Variants in HS3ST4 observed in about 807,000 individuals in gnomAD.
The protein encoded by HS3ST4 is heparan sulfate glucosamine 3-O-sulfotransferase 4.
A neutral mutation model predicts 29.2 loss-of-function variants in HS3ST4; 17 were observed. That is an observed-to-expected ratio of 0.58 (90% CI 0.40 to 0.87). HS3ST4 has a LOEUF of 0.87. Ranked by LOEUF, HS3ST4 falls within the 40% of genes least tolerant of loss-of-function variation. The pLI is 0.00. For missense variants in HS3ST4, 627 were observed against 634.5 expected (o/e 0.99, Z 0.13); for synonymous variants, 314 against 285.7 (o/e 1.10, Z -1.00).
chr16:25,904,107 AATGGATGGATGGATGGATGG>A (rs146106307), intron 1 of HS3ST4, among the ~76,000 whole-genome samples: 9 of 142,480 alleles, frequency 6.3e-5, no homozygotes, highest in Admixed American at 3.5e-4. Context: ...TGAATGGATG[AATGGATGGATGGATGGATGG>A]ATGGATGGAT....
chr16:25,766,447 G>C (rs1268157893), intron 1 of HS3ST4, among the ~76,000 whole-genome samples: 1 of 152,160 alleles, frequency 6.6e-6, no homozygotes, highest in Non-Finnish European at 1.5e-5. Flanking sequence ...AAACTTTCTA[G>C]GTCAGTACCC....
At chr16:26,031,299 T>C (rs965780810) in intron 1 of HS3ST4, among the ~76,000 whole-genome samples, 2 of 152,086 alleles carry the variant, frequency 1.3e-5, no homozygotes, top group African/African-American at 4.8e-5. Flanking sequence ...AAGAGATGGA[T>C]ACAGATCATT....
intron 1 of HS3ST4, among the ~76,000 whole-genome samples, chr16:25,779,001 T>TAC (rs1056103718): frequency 7.9e-4 from 120 of 151,524 alleles, no homozygotes; most frequent in African/African-American, 2.2e-3. Flanking sequence ...TCTGTGTCTC[T>TAC]ACACACACAC....
At chr16:25,999,318 GGGTTTTTCT>G (rs1969184667) in intron 1 of HS3ST4, among the ~76,000 whole-genome samples, 2 of 152,040 alleles carry the variant, frequency 1.3e-5, no homozygotes, top group Non-Finnish European at 2.9e-5. Flanking sequence ...AGAATGGGGT[GGGTTTTTCT>G]TCACTGCACA....
intron 1 of HS3ST4, among the ~76,000 whole-genome samples, chr16:25,838,165 G>T (rs540925986): frequency 9.9e-4 from 151 of 152,302 alleles, no homozygotes; most frequent in African/African-American, 3.4e-3. Flanking sequence ...AGAGAAATAT[G>T]CTGGAATCGT....
At chr16:25,779,009 C>T (rs1236599371) in intron 1 of HS3ST4, among the ~76,000 whole-genome samples, 1 of 152,214 alleles carries the variant, frequency 6.6e-6, no homozygotes, top group Non-Finnish European at 1.5e-5. Context: ...TCTACACACA[C>T]ACACACACGC....
chr16:26,136,443 CA>C lies in HS3ST4; in HGVS notation c.*196del, dbSNP rs1217749052. The C allele has an allele frequency of 5.0e-6, 3 of 604,470 alleles. No homozygotes were observed. The highest frequency in any genetic ancestry group is 1.9e-5 in the African/African-American group (1 of 53,882). 37.4% of individuals were successfully genotyped at this position (604,470 alleles called of 1,614,324 possible). ...TCCCATGGCATCCCCATGGAGGAACCAGGCCCATCTGGGCAGCAGCATCTGG... is the reference window on the plus strand; with the variant it reads ...TCCCATGGCATCCCCATGGAGGAACCGGCCCATCTGGGCAGCAGCATCTGG... On this transcript the variant is annotated 3_prime_UTR_variant, in exon 2 of 2. Transcript: ENST00000331351.
chr16:26,119,043 T>C (rs1462715921), intron 1 of HS3ST4, among the ~76,000 whole-genome samples: 1 of 152,200 alleles, frequency 6.6e-6, no homozygotes, highest in Non-Finnish European at 1.5e-5. Flanking sequence ...AATGAAACAT[T>C]ATTCTTATCG....
At chr16:25,830,454 G>A (rs1967283430) in intron 1 of HS3ST4, among the ~76,000 whole-genome samples, 1 of 152,152 alleles carries the variant, frequency 6.6e-6, no homozygotes, top group African/African-American at 2.4e-5. Context: ...TGCAGGGGGA[G>A]GCATCACCTG....
intron 1 of HS3ST4, among the ~76,000 whole-genome samples, chr16:26,020,360 A>G (rs1969400863): frequency 6.6e-6 from 1 of 152,212 alleles, no homozygotes; most frequent in African/African-American, 2.4e-5. Flanking sequence ...AATTATAGAT[A>G]TACGAAGAGG....
intron 1 of HS3ST4, among the ~76,000 whole-genome samples, chr16:25,881,500 A>G (rs1227512752): frequency 6.6e-6 from 1 of 152,186 alleles, no homozygotes; most frequent in Non-Finnish European, 1.5e-5. Flanking sequence ...AGTAAAGGGC[A>G]CCTGGATGCT....
intron 1 of HS3ST4, among the ~76,000 whole-genome samples, chr16:25,740,986 C>G (rs1596557673): frequency 6.6e-6 from 1 of 152,172 alleles, no homozygotes; most frequent in Middle Eastern, 3.4e-3. Flanking sequence ...TTTTTAGTTT[C>G]TGTCTAGCGT....
At chr16:26,069,080 T>G (rs1898573040) in intron 1 of HS3ST4, among the ~76,000 whole-genome samples, 1 of 152,166 alleles carries the variant, frequency 6.6e-6, no homozygotes. Flanking sequence ...GCCTCCAGGA[T>G]AGCTGGGACT....
At chr16:25,968,034 A>T (rs1026100701) in intron 1 of HS3ST4, among the ~76,000 whole-genome samples, 1 of 152,114 alleles carries the variant, frequency 6.6e-6, no homozygotes, top group East Asian at 1.9e-4. Flanking sequence ...GGGGAGAGGG[A>T]TTATTCTCTC....
intron 1 of HS3ST4, among the ~76,000 whole-genome samples, chr16:26,007,162 A>G (rs953926936): frequency 7.9e-5 from 12 of 152,222 alleles, no homozygotes; most frequent in African/African-American, 2.4e-4. Context: ...ACATGTGACA[A>G]TTACCAGTAG....
chr16:26,107,419 G>T (rs1460869920), intron 1 of HS3ST4, among the ~76,000 whole-genome samples: 1 of 151,968 alleles, frequency 6.6e-6, no homozygotes, highest in Non-Finnish European at 1.5e-5. Flanking sequence ...TAGCTTTTGG[G>T]GTACAAGTGG....
At position 26,025,922 on chromosome 16, in the gene HS3ST4, C is replaced by T. The variant is rs148153226; in HGVS notation, c.735-109690C>T. On this transcript the variant is annotated intron_variant, in intron 1 of 1. Coordinates refer to ENST00000331351, the MANE Select transcript of HS3ST4 (RefSeq NM_006040.3). ...TCCCAAGTAGCTGGGACTACATGCACGTGCCACCATGCCCAGCTAATTTTT... is the reference window on the plus strand; with the variant it reads ...TCCCAAGTAGCTGGGACTACATGCATGTGCCACCATGCCCAGCTAATTTTT... 0.011 allele frequency among the ~76,000 whole-genome samples: 1,731 copies of T among 151,864 alleles called. 96 individuals carry two copies. In the East Asian group the frequency reaches 0.15, roughly 13 times the overall value.
chr16:26,069,229 G>A (rs1898574955), intron 1 of HS3ST4, among the ~76,000 whole-genome samples: 1 of 152,222 alleles, frequency 6.6e-6, no homozygotes, highest in Non-Finnish European at 1.5e-5. Context: ...TGAAATTATA[G>A]GCATGAGCCA....
intron 1 of HS3ST4, among the ~76,000 whole-genome samples, chr16:25,756,597 C>T (rs1966760166): frequency 6.6e-6 from 1 of 152,264 alleles, no homozygotes; most frequent in Non-Finnish European, 1.5e-5. Context: ...TCTTCAGATT[C>T]AATATTGACC....
Sources: allele counts gnomAD v4.1 joint callset (sites outside exome capture counted in the v4.1 genomes callset), GRCh38; gene constraint gnomAD v4.1.1; transcripts MANE v1.5; gene names NCBI Gene and HGNC (gene_info 2026-07-23, HGNC 2026-07-21).